The following SEC24D variants were observed in gnomAD, a reference collection of about 807,000 sequenced individuals.
The protein encoded by SEC24D is protein transport protein Sec24D.
SEC24D carries 69 observed loss-of-function variants against 116.9 expected under a neutral mutation model. The ratio of observed to expected loss-of-function variants is 0.59; its 90% CI spans 0.49 to 0.72. The LOEUF is 0.72. Among genes scored for constraint, SEC24D ranks in the 30% least tolerant of loss-of-function variants. The pLI is 0.00. For synonymous variants in SEC24D, 405 were observed against 442.8 expected (o/e 0.91, Z 1.07); for missense variants, 1,131 against 1,264.1 (o/e 0.89, Z 1.60).
intron 8 of SEC24D, among the ~76,000 whole-genome samples, chr4:118,791,996 AG>A (rs1338734393): frequency 6.7e-6 from 1 of 148,466 alleles, no homozygotes; most frequent in Non-Finnish European, 1.5e-5. Flanking sequence ...TTGTCTGGGA[AG>A]TGAGAAGCGC....
chr4:118,791,896 T>C (rs1328870094), intron 8 of SEC24D, among the ~76,000 whole-genome samples: 2 of 152,148 alleles, frequency 1.3e-5, no homozygotes, highest in African/African-American at 2.4e-5. Context: ...CCCAGGCGCC[T>C]GCCCTGGCCT....
chr4:118,793,323 C>G (rs1004762995), intron 8 of SEC24D, among the ~76,000 whole-genome samples: 4 of 151,250 alleles, frequency 2.6e-5, no homozygotes, highest in Admixed American at 2.6e-4. Flanking sequence ...AAAAATTAGC[C>G]GGGCGTAGTG....
intron 22 of SEC24D, among the ~76,000 whole-genome samples, chr4:118,727,547 T>C (rs1463461471): frequency 6.6e-6 from 1 of 152,064 alleles, no homozygotes; most frequent in Admixed American, 6.5e-5. Flanking sequence ...AGGTGAATCA[T>C]TATTGCTGTG....
At chr4:118,824,257 C>G (rs1398716383) in intron 3 of SEC24D, among the ~76,000 whole-genome samples, 1 of 152,102 alleles carries the variant, frequency 6.6e-6, no homozygotes, top group Non-Finnish European at 1.5e-5. Flanking sequence ...CAGGATCCTC[C>G]CATCTCAGCC....
intron 13 of SEC24D, 100 bp from the exon 14 acceptor site, chr4:118,745,160 A>G: frequency 1.4e-6 from 1 of 692,614 alleles, no homozygotes; most frequent in Non-Finnish European, 2.5e-6. Context: ...CTATGAGCTA[A>G]GCACTATATT....
chr4:118,827,707 G>C (rs542028297), intron 2 of SEC24D, among the ~76,000 whole-genome samples: 35 of 152,268 alleles, frequency 2.3e-4, no homozygotes, highest in Non-Finnish European at 5.0e-4. Flanking sequence ...GGTGACTTCT[G>C]GTGGAATGGT....
rs768509582 is a variant in SEC24D at position 118,815,095 on chromosome 4, C to A, written c.734G>T (p.Gly245Val). 6.2e-7 allele frequency: 1 copy of A among 1,614,140 alleles called. No homozygotes were observed. The highest frequency in any genetic ancestry group is 8.5e-7 in the Non-Finnish European group (1 of 1,179,996). ...TGGCGGACCAGCCATCTGTGCAGGA[C>A]CTCCAGGGAAGCCTCCTGGGTAAGA... ...QLSYPGGFPGGPAQMAGPPQP... is the reference protein window; with the variant it reads ...QLSYPGGFPGVPAQMAGPPQP... Residue 245 changes from glycine to valine, a missense_variant, in exon 6 of 23, where the codon GGT (glycine) becomes GTT (valine). Physicochemically the swap from Gly to Val is moderately radical, Grantham distance 109. Coordinates refer to ENST00000280551, the MANE Select transcript of SEC24D (RefSeq NM_014822.4).
At chr4:118,759,813 A>G (rs555235138) in intron 10 of SEC24D, among the ~76,000 whole-genome samples, 1 of 152,284 alleles carries the variant, frequency 6.6e-6, no homozygotes, top group South Asian at 2.1e-4. Flanking sequence ...CAGCACCTCT[A>G]TATAGGCAAC....
chr4:118,800,390 C>T (rs927677171), intron 7 of SEC24D, among the ~76,000 whole-genome samples: 1 of 151,896 alleles, frequency 6.6e-6, no homozygotes, highest in Non-Finnish European at 1.5e-5. Context: ...CTGAAATGAA[C>T]GGGAGGTTGG....
intron 2 of SEC24D, among the ~76,000 whole-genome samples, chr4:118,832,716 A>G (rs575567134): frequency 6.6e-6 from 1 of 152,220 alleles, no homozygotes; most frequent in Non-Finnish European, 1.5e-5. Context: ...AAATAAGACA[A>G]TACAGGAAAA....
At chr4:118,775,322 T>G (rs1375053870) in intron 8 of SEC24D, among the ~76,000 whole-genome samples, 1 of 133,306 alleles carries the variant, frequency 7.5e-6, no homozygotes, top group Non-Finnish European at 1.5e-5. Context: ...GGATAACTTG[T>G]GATAGGTGTT....
At chr4:118,835,372 G>A (rs2110548979) in intron 1 of SEC24D, among the ~76,000 whole-genome samples, 1 of 152,214 alleles carries the variant, frequency 6.6e-6, no homozygotes, top group Admixed American at 6.5e-5. Flanking sequence ...GCGGCGACAC[G>A]GCAGAAAGCC....
At chr4:118,776,139 G>T (rs188155987) in intron 8 of SEC24D, among the ~76,000 whole-genome samples, 1 of 152,040 alleles carries the variant, frequency 6.6e-6, no homozygotes, top group East Asian at 1.9e-4. Context: ...GAGGGGAAGG[G>T]GTAGGGGAGT....
Position 118,768,191 on chromosome 4 carries a change from A to G in SEC24D, c.1162T>C (p.Cys388Arg). The G allele has an allele frequency of 6.2e-7, 1 of 1,613,476 alleles. No individual in the cohort carries two copies. Among genetic ancestry groups the G allele is most frequent in the South Asian group, 1.1e-5 (1 of 90,948 alleles). Residue 388 changes from cysteine (C) to arginine (R), a missense_variant, in exon 9 of 23, where the codon TGC (cysteine) becomes CGC (arginine). Physicochemically the swap from Cys to Arg is radical, Grantham distance 180. Coordinates refer to ENST00000280551, the MANE Select transcript of SEC24D (RefSeq NM_014822.4). ...TGCTTACCATCATTCACACAGTTGC[A>G]AAATCCACACTGATATCTCCTTCCT... ...EGGRRYQCGFCNCVNDVPPFY... is the reference protein window; with the variant it reads ...EGGRRYQCGFRNCVNDVPPFY...
At chr4:118,817,225 C>A in intron 4 of SEC24D, 39 bp downstream of exon 4, 1 of 1,541,606 alleles carries the variant, frequency 6.5e-7, no homozygotes, top group Non-Finnish European at 8.8e-7. Context: ...ATGACCAGGA[C>A]ACAAGGCAGT....
intron 15 of SEC24D, among the ~76,000 whole-genome samples, chr4:118,742,441 G>A (rs1287288295): frequency 6.6e-6 from 1 of 152,116 alleles, no homozygotes; most frequent in Non-Finnish European, 1.5e-5. Flanking sequence ...TGATTAGCAT[G>A]GTAGGCTTCA....
Position 118,732,847 on chromosome 4 carries a change from TAC to T in SEC24D, c.2560_2561del (p.Val854ThrfsTer10), listed in dbSNP as rs1197598276. 6.2e-7 allele frequency: 1 copy of T among 1,614,066 alleles called. No homozygotes were observed. The highest frequency in any genetic ancestry group is 8.5e-7 in the Non-Finnish European group (1 of 1,179,910). On this transcript the variant is annotated frameshift_variant, in exon 20 of 23. Coordinates refer to ENST00000280551, the MANE Select transcript of SEC24D (RefSeq NM_014822.4). LOFTEE classifies it high-confidence loss of function. ...TTGAGATCTCTGGTCTGCTGAGTAG[TAC>T]ACAGTTTTTCAACAAGCAATTCATG... ...VYMNCLLKNC[V>X]LLSRPEISTD...
chr4:118,764,547 G>A (rs778185435), intron 10 of SEC24D: 3 of 352,590 alleles, frequency 8.5e-6, no homozygotes, highest in Non-Finnish European at 1.5e-5. Context: ...GTCTGGCAAG[G>A]ACATAAAAAA....
chr4:118,789,181 C>T (rs764128355), intron 8 of SEC24D, among the ~76,000 whole-genome samples: 24 of 152,320 alleles, frequency 1.6e-4, no homozygotes, highest in Non-Finnish European at 3.2e-4. Flanking sequence ...GCCCCAGAAC[C>T]TGTGGAGCTT....
Sources: allele counts gnomAD v4.1 joint callset (sites outside exome capture counted in the v4.1 genomes callset), GRCh38; gene constraint gnomAD v4.1.1; transcripts MANE v1.5; gene names NCBI Gene and HGNC (gene_info 2026-07-23, HGNC 2026-07-21).